The following CCDC134 variants were observed in gnomAD, a reference collection of about 807,000 sequenced individuals.
CCDC134 encodes coiled-coil domain-containing protein 134.
Under a neutral mutation model 25.6 loss-of-function variants are expected in CCDC134, and 27 were observed. The observed-to-expected ratio is 1.05, with a 90% CI of 0.78 to 1.45. CCDC134 has a LOEUF of 1.45. Among genes scored for constraint, CCDC134 ranks in the 40% most tolerant of loss-of-function variants. The pLI is 0.00. For synonymous variants in CCDC134, 110 were observed against 115.0 expected (o/e 0.96, Z 0.28); for missense variants, 261 against 286.7 (o/e 0.91, Z 0.65).
Position 41,826,745 on chromosome 22 carries a change from C to T in CCDC134, c.*922C>T, listed in dbSNP as rs541080096. Among the ~76,000 whole-genome samples, 31 of 152,348 alleles carry T rather than the reference C, an allele frequency of 2.0e-4. No individual in the cohort carries two copies. The highest frequency in any genetic ancestry group is 6.7e-4 in the African/African-American group (28 of 41,578). On this transcript the variant is annotated 3_prime_UTR_variant, in exon 7 of 7. Coordinates refer to ENST00000255784, the MANE Select transcript of CCDC134 (RefSeq NM_024821.5). ...GACAGCTTCCCGTCTCGGGAGGCCA[C>T]AGGGCAGGGAAGCTGCAGAGGGCAT...
At chr22:41,814,080 C>T (rs993390809) in intron 6 of CCDC134, among the ~76,000 whole-genome samples, 3 of 152,182 alleles carry the variant, frequency 2.0e-5, no homozygotes, top group African/African-American at 4.8e-5. Flanking sequence ...ACAAACCCAT[C>T]CCAGCACAAA....
Position 41,831,259 on chromosome 22 carries a change from T to G in CCDC134, c.*5436T>G, listed in dbSNP as rs1353277597. Reference sequence around the variant, plus strand: ...TCTCCCAGGCTGGAGTGCAGCGACATGATCTCAGCTCACTGCAGCCTCTAT... The same window carrying G: ...TCTCCCAGGCTGGAGTGCAGCGACAGGATCTCAGCTCACTGCAGCCTCTAT... On this transcript the variant is annotated 3_prime_UTR_variant, in exon 7 of 7. Coordinates refer to ENST00000255784, the MANE Select transcript of CCDC134 (RefSeq NM_024821.5). The G allele has an allele frequency of 6.6e-6, 1 of 152,088 alleles. No individual in the cohort carries two copies. The highest frequency in any genetic ancestry group is 1.5e-5 in the Non-Finnish European group (1 of 68,060). The allele number at this position is 152,088 out of a possible 1,614,324, so 9.4% of individuals were successfully genotyped here. A position where few individuals can be genotyped will look rare whatever the true frequency, so the allele number is the denominator to read the frequency against.
At chr22:41,806,116 T>C (rs2076566188) in intron 1 of CCDC134, among the ~76,000 whole-genome samples, 1 of 151,978 alleles carries the variant, frequency 6.6e-6, no homozygotes, top group Non-Finnish European at 1.5e-5. Context: ...AGTCTTCTTA[T>C]GAATCTGATT....
At chr22:41,817,730 T>A (rs143146279) in intron 6 of CCDC134, among the ~76,000 whole-genome samples, 1 of 141,676 alleles carries the variant, frequency 7.1e-6, no homozygotes, top group Non-Finnish European at 1.5e-5. Flanking sequence ...AGACTCTGTC[T>A]TAAATAAATA....
At chr22:41,816,807 A>G (rs1355458462) in intron 6 of CCDC134, among the ~76,000 whole-genome samples, 1 of 152,114 alleles carries the variant, frequency 6.6e-6, no homozygotes, top group African/African-American at 2.4e-5. Context: ...AGTCCTGGCT[A>G]CTCAGGAGGC....
chr22:41,826,041 A>G lies in CCDC134; in HGVS notation c.*218A>G. The G allele has an allele frequency of 3.7e-6, 2 of 541,262 alleles. No homozygotes were observed. Among genetic ancestry groups the G allele is most frequent in the Non-Finnish European group, 6.6e-6 (2 of 303,158 alleles). 33.5% of individuals were successfully genotyped at this position (541,262 alleles called of 1,614,324 possible). ...GGGGCCTCCTGCTGAAGGGGCCTTC[A>G]GAGGATTTTATGCTGGAAATATGAC... is the stretch of plus-strand genomic sequence containing the variant. On this transcript the variant is annotated 3_prime_UTR_variant, in exon 7 of 7. Transcript: ENST00000255784.
At chr22:41,819,998 T>TATATATATATAA (rs1556020965) in intron 6 of CCDC134, among the ~76,000 whole-genome samples, 1 of 130,100 alleles carries the variant, frequency 7.7e-6, no homozygotes, top group African/African-American at 3.1e-5. Context: ...TATATATATA[T>TATATATATATAA]AATTTTTTTT....
intron 6 of CCDC134, among the ~76,000 whole-genome samples, chr22:41,818,893 G>A (rs1164770122): frequency 2.0e-5 from 3 of 152,234 alleles, no homozygotes; most frequent in Non-Finnish European, 2.9e-5. Context: ...TTGCTGTGAT[G>A]CCAGTTCTTC....
chr22:41,809,754 T>TCTAGC, intron 2 of CCDC134, 125 bp from the exon 3 acceptor site: 1 of 1,268,296 alleles, frequency 7.9e-7, no homozygotes, highest in Non-Finnish European at 1.1e-6. Context: ...CCTGGAGGCT[T>TCTAGC]CTAGCCCTGG....
At chr22:41,813,903 C>G in intron 6 of CCDC134, 81 bp downstream of exon 6, 1 of 1,346,316 alleles carries the variant, frequency 7.4e-7, no homozygotes, top group Non-Finnish European at 1.1e-6. Flanking sequence ...GGCTGGGGAC[C>G]TTGGGTGGCT....
rs751209911 is a variant in CCDC134 at position 41,808,981 on chromosome 22, A to G, written c.91A>G (p.Ser31Gly). ...TGTLRTSLDP[S>G]LEIYKKMFEV... is the part of the protein sequence containing the mutation. Reference sequence around the variant, plus strand: ...CACCTTGAGGACCTCCCTGGACCCAAGCCTGGAGATCTGTATCCTTTGGGG... The same window carrying G: ...CACCTTGAGGACCTCCCTGGACCCAGGCCTGGAGATCTGTATCCTTTGGGG... Residue 31 changes from serine to glycine, a missense_variant, in exon 2 of 7, where the codon AGC (serine) becomes GGC (glycine). Transcript: ENST00000255784. 1.9e-6 allele frequency: 3 copies of G among 1,613,362 alleles called. No individual in the cohort carries two copies. Among genetic ancestry groups the G allele is most frequent in the Non-Finnish European group, 2.5e-6 (3 of 1,179,502 alleles).
Position 41,811,058 on chromosome 22 carries a change from A to G in CCDC134, c.310+767A>G, listed in dbSNP as rs544902551. Among the ~76,000 whole-genome samples, 244 of 152,226 alleles carry G rather than the reference A, an allele frequency of 1.6e-3. 1 individual carries two copies. The highest frequency in any genetic ancestry group is 2.2e-3 in the Non-Finnish European group (153 of 68,016). ...ACATGTCTCAGACCCACCCTGGCATATCTTTGGAGTCTACTTATCTTTCTG... is the reference window on the plus strand; with the variant it reads ...ACATGTCTCAGACCCACCCTGGCATGTCTTTGGAGTCTACTTATCTTTCTG... On this transcript the variant is annotated intron_variant, in intron 4 of 6. Coordinates refer to ENST00000255784, the MANE Select transcript of CCDC134 (RefSeq NM_024821.5).
intron 6 of CCDC134, among the ~76,000 whole-genome samples, chr22:41,815,495 G>A (rs1177065002): frequency 2.6e-5 from 4 of 151,954 alleles, no homozygotes; most frequent in Non-Finnish European, 4.4e-5. Flanking sequence ...GTGAGCCACC[G>A]CACCCGGCCT....
Position 41,830,863 on chromosome 22 carries a change from C to T in CCDC134, c.*5040C>T, listed in dbSNP as rs1201833282. 6.6e-6 allele frequency among the ~76,000 whole-genome samples: 1 copy of T among 150,886 alleles called. No homozygotes were observed. The highest frequency in any genetic ancestry group is 1.5e-5 in the Non-Finnish European group (1 of 67,806). On this transcript the variant is annotated 3_prime_UTR_variant, in exon 7 of 7. Transcript: ENST00000255784. ...TTAACCTTCAGGTGAGCACACAGATCCTTATTTTTTCTTTTCTTTTCTTTT... is the reference window on the plus strand; with the variant it reads ...TTAACCTTCAGGTGAGCACACAGATTCTTATTTTTTCTTTTCTTTTCTTTT...
At chr22:41,812,441 A>G (rs964882021) in intron 4 of CCDC134, among the ~76,000 whole-genome samples, 31 of 151,260 alleles carry the variant, frequency 2.0e-4, no homozygotes, top group African/African-American at 6.8e-4. Flanking sequence ...AAAAAAAAAA[A>G]AAAGGATGGT....
rs2076704916 is a variant in CCDC134 at position 41,830,991 on chromosome 22, G to C, written c.*5168G>C. ...ACTTCTGCCTCCCGGGTTCAAGCAA[G>C]TCTCCTGCCTCAGCTTCCTGAGTAG... On this transcript the variant is annotated 3_prime_UTR_variant, in exon 7 of 7. Coordinates refer to ENST00000255784, the MANE Select transcript of CCDC134 (RefSeq NM_024821.5). 2.7e-5 allele frequency among the ~76,000 whole-genome samples: 4 copies of C among 147,132 alleles called. No homozygotes were observed. In the Admixed American group the frequency reaches 2.8e-4, roughly 10 times the overall value.
chr22:41,809,499 G>T (rs2076583896), intron 2 of CCDC134, among the ~76,000 whole-genome samples: 1 of 152,214 alleles, frequency 6.6e-6, no homozygotes, highest in African/African-American at 2.4e-5. Flanking sequence ...TTTGAGCCAG[G>T]CCTTGAAAGG....
At chr22:41,813,720 C>G (rs551687579) in intron 5 of CCDC134, 31 bp from the exon 6 acceptor site, 1 of 1,601,418 alleles carries the variant, frequency 6.2e-7, no homozygotes, top group Non-Finnish European at 8.6e-7. Context: ...CAGGAGAAGG[C>G]AGATGATGAC....
chr22:41,816,774 C>T (rs946744542), intron 6 of CCDC134, among the ~76,000 whole-genome samples: 2 of 152,152 alleles, frequency 1.3e-5, no homozygotes, highest in South Asian at 2.1e-4. Context: ...AAAAATTATC[C>T]GGGTGTGGTG....
Sources: gnomAD v4.1 joint callset for allele counts (sites outside exome capture counted in the v4.1 genomes callset) on GRCh38, gnomAD v4.1.1 for gene constraint, MANE v1.5 for transcripts, NCBI Gene and HGNC (gene_info 2026-07-23, HGNC 2026-07-21) for gene names.